The following PCNX2 variants were observed in gnomAD, a reference collection of about 807,000 sequenced individuals.
PCNX2 encodes pecanex-like protein 2.
A neutral mutation model predicts 223.8 loss-of-function variants in PCNX2; 168 were observed. The observed-to-expected ratio is 0.75, with a 90% confidence interval of 0.66 to 0.85. PCNX2 has a LOEUF of 0.85. Ranked by LOEUF, PCNX2 falls within the 40% of genes least tolerant of loss-of-function variation. The pLI, the probability that PCNX2 is intolerant of heterozygous loss-of-function variation, is 0.00. For missense variants in PCNX2, 2,507 were observed against 2,675.5 expected (o/e 0.94, Z 1.39); for synonymous variants, 1,006 against 1,052.6 (o/e 0.96, Z 0.86).
At chr1:233,145,227 A>G (rs1177411860) in intron 19 of PCNX2, among the ~76,000 whole-genome samples, 1 of 151,978 alleles carries the variant, frequency 6.6e-6, no homozygotes, top group African/African-American at 2.4e-5. Context: ...CGGACTCCCA[A>G]AGTGTTGGGA....
chr1:233,143,591 C>T (rs986587435), intron 19 of PCNX2, among the ~76,000 whole-genome samples: 11 of 152,220 alleles, frequency 7.2e-5, no homozygotes, highest in African/African-American at 1.2e-4. Flanking sequence ...TGTGTTTTGA[C>T]GAGTCCTACA....
intron 12 of PCNX2, among the ~76,000 whole-genome samples, chr1:233,217,244 T>A (rs981118759): frequency 6.6e-6 from 1 of 152,140 alleles, no homozygotes; most frequent in Non-Finnish European, 1.5e-5. Flanking sequence ...GATAACTATA[T>A]GTGGTTATAG....
At chr1:233,161,391 C>T (rs542353877) in intron 17 of PCNX2, 28 bp from the exon 18 acceptor site, 25 of 1,586,738 alleles carry the variant, frequency 1.6e-5, no homozygotes, top group East Asian at 4.5e-5. Context: ...GCGGTAAAGG[C>T]GACTCTTCAT....
intron 23 of PCNX2, among the ~76,000 whole-genome samples, chr1:233,058,703 G>A (rs953738066): frequency 8.2e-6 from 1 of 122,522 alleles, no homozygotes; most frequent in Non-Finnish European, 1.6e-5. Context: ...GTCTCGCTCT[G>A]TCACCAGGAT....
chr1:233,200,292 T>G, intron 13 of PCNX2, 28 bp from the exon 14 acceptor site: 1 of 1,484,284 alleles, frequency 6.7e-7, no homozygotes, highest in Non-Finnish European at 9.2e-7. Flanking sequence ...AAATTGACGA[T>G]AAGCATGGGG....
chr1:233,143,353 A>T (rs529507858), intron 19 of PCNX2, among the ~76,000 whole-genome samples: 1 of 152,338 alleles, frequency 6.6e-6, no homozygotes, highest in East Asian at 1.9e-4. Context: ...TCCCTTGTTA[A>T]GATGCAGAGT....
chr1:233,042,155 A>G (rs1671665659), intron 25 of PCNX2, among the ~76,000 whole-genome samples: 1 of 152,202 alleles, frequency 6.6e-6, no homozygotes, highest in Non-Finnish European at 1.5e-5. Flanking sequence ...TTCAACTTGT[A>G]TATTTCCCTA....
chr1:232,984,547 C>T (rs1256954249), intron 33 of PCNX2, 70 bp from the exon 34 acceptor site: 17 of 1,516,536 alleles, frequency 1.1e-5, no homozygotes, highest in Admixed American at 3.7e-5. Context: ...ACTGGCATCA[C>T]CCCCATCCGT....
the PCNX2 span, among the ~76,000 whole-genome samples, chr1:233,312,745 C>G: frequency 6.6e-6 from 1 of 152,014 alleles, no homozygotes; most frequent in Non-Finnish European, 1.5e-5. Context: ...CATAAAACTC[C>G]AAAGAGAGTT....
Position 232,984,055 on chromosome 1 carries a change from G to T in PCNX2, c.*249C>A, listed in dbSNP as rs369655987. The T allele has an allele frequency of 6.1e-5, 22 of 360,002 alleles. 3 individuals carry two copies. The highest frequency in any genetic ancestry group is 5.0e-4 in the Admixed American group (10 of 19,862). The allele number at this position is 360,002 out of a possible 1,614,324, so 22.3% of individuals were successfully genotyped here. On this transcript the variant is annotated 3_prime_UTR_variant, in exon 34 of 34. Coordinates refer to ENST00000258229, the MANE Select transcript of PCNX2 (RefSeq NM_014801.4). Reference sequence around the variant, plus strand: ...CAGGGAGGTGTGGTGTGGCTTCTTTGTTGCTTTTTTTTGTTTCCCCATCAT... The same window carrying T: ...CAGGGAGGTGTGGTGTGGCTTCTTTTTTGCTTTTTTTTGTTTCCCCATCAT...
chr1:233,090,611 G>A (rs72763910), intron 22 of PCNX2, among the ~76,000 whole-genome samples: 9,417 of 152,242 alleles, frequency 0.062, 413 homozygotes, highest in Non-Finnish European at 0.094. Context: ...TGGGAAGGTA[G>A]CATCTCTGTT....
intron 26 of PCNX2, among the ~76,000 whole-genome samples, chr1:233,018,289 C>T (rs1347791042): frequency 1.3e-5 from 2 of 151,954 alleles, no homozygotes; most frequent in Non-Finnish European, 2.9e-5. Context: ...TCCCAAAGTG[C>T]GAGGATTACA....
intron 1 of PCNX2, among the ~76,000 whole-genome samples, chr1:233,275,898 T>C (rs1284603010): frequency 6.6e-6 from 1 of 151,752 alleles, no homozygotes; most frequent in African/African-American, 2.4e-5. Context: ...GGCATGGTGG[T>C]GTGTGCCTGT....
At chr1:233,240,987 T>C (rs1300726571) in intron 8 of PCNX2, among the ~76,000 whole-genome samples, 1 of 152,188 alleles carries the variant, frequency 6.6e-6, no homozygotes, top group Non-Finnish European at 1.5e-5. Context: ...AGGGCCTCCC[T>C]TTTTCTGCCT....
At chr1:232,997,866 G>A (rs1669928365) in intron 32 of PCNX2, among the ~76,000 whole-genome samples, 1 of 152,152 alleles carries the variant, frequency 6.6e-6, no homozygotes, top group African/African-American at 2.4e-5. Flanking sequence ...GCCTGTTTGT[G>A]TGCCCCACGG....
At chr1:233,249,626 G>A (rs1374631368) in intron 8 of PCNX2, among the ~76,000 whole-genome samples, 1 of 152,184 alleles carries the variant, frequency 6.6e-6, no homozygotes, top group Non-Finnish European at 1.5e-5. Context: ...AAGAGTGGAC[G>A]GCAAGTGGGG....
intron 23 of PCNX2, among the ~76,000 whole-genome samples, chr1:233,072,659 G>A (rs1467717587): frequency 6.6e-6 from 1 of 152,148 alleles, no homozygotes; most frequent in African/African-American, 2.4e-5. Flanking sequence ...ATGGTCAAGT[G>A]TGGTTTTCTC....
intron 13 of PCNX2, among the ~76,000 whole-genome samples, chr1:233,205,207 T>C (rs775260004): frequency 9.2e-5 from 14 of 152,126 alleles, no homozygotes; most frequent in Non-Finnish European, 1.6e-4. Context: ...AGAAAAGCAA[T>C]TTGTAAATGG....
chr1:233,165,144 A>ACAATTATTGT (rs1482353823), intron 17 of PCNX2, among the ~76,000 whole-genome samples: 1 of 152,230 alleles, frequency 6.6e-6, no homozygotes, highest in Non-Finnish European at 1.5e-5. Flanking sequence ...ATAAATGTGT[A>ACAATTATTGT]CAATTATTGT....
Sources: gnomAD v4.1 joint callset for allele counts (sites outside exome capture counted in the v4.1 genomes callset) on GRCh38, gnomAD v4.1.1 for gene constraint, MANE v1.5 for transcripts, NCBI Gene and HGNC (gene_info 2026-07-23, HGNC 2026-07-21) for gene names.